Variants in UBE2E2 observed in about 807,000 individuals in gnomAD.
UBE2E2 encodes the protein ubiquitin conjugating enzyme E2 E2.
A neutral mutation model predicts 24.7 loss-of-function variants in UBE2E2; 6 were observed. The ratio of observed to expected loss-of-function variants is 0.24; its 90% CI spans 0.13 to 0.48. The LOEUF is 0.48. UBE2E2 is among the 20% of genes least tolerant of loss of function. The pLI, the probability that UBE2E2 is intolerant of heterozygous loss-of-function variation, is 0.99. For synonymous variants in UBE2E2, 104 were observed against 83.6 expected (o/e 1.24, Z -1.33); for missense variants, 169 against 245.0 (o/e 0.69, Z 2.07).
intron 3 of UBE2E2, among the ~76,000 whole-genome samples, chr3:23,310,209 T>C (rs1694336118): frequency 6.6e-6 from 1 of 152,160 alleles, no homozygotes. Flanking sequence ...TTGGTAAGTT[T>C]ATTATTGTCT....
chr3:23,301,352 G>C (rs1045706957), intron 3 of UBE2E2, among the ~76,000 whole-genome samples: 4 of 152,176 alleles, frequency 2.6e-5, no homozygotes, highest in African/African-American at 9.7e-5. Flanking sequence ...TGGAGGAGGA[G>C]AGGCACTCTG....
At chr3:23,536,019 T>C (rs142960874) in intron 5 of UBE2E2, among the ~76,000 whole-genome samples, 45 of 152,326 alleles carry the variant, frequency 3.0e-4, no homozygotes, top group African/African-American at 9.9e-4. Flanking sequence ...GAGAATACCA[T>C]TGGGGAATCA....
At chr3:23,505,727 T>G (rs1225941606) in intron 4 of UBE2E2, among the ~76,000 whole-genome samples, 3 of 152,214 alleles carry the variant, frequency 2.0e-5, no homozygotes, top group African/African-American at 4.8e-5. Flanking sequence ...TTTATGGGTT[T>G]GTTTGTTGTT....
chr3:23,543,203 T>A (rs1473604540), intron 5 of UBE2E2, among the ~76,000 whole-genome samples: 1 of 152,150 alleles, frequency 6.6e-6, no homozygotes, highest in Non-Finnish European at 1.5e-5. Flanking sequence ...CCAGAAGTCC[T>A]AGCCAGAACA....
intron 3 of UBE2E2, among the ~76,000 whole-genome samples, chr3:23,258,443 C>T (rs1243667055): frequency 6.6e-6 from 1 of 152,122 alleles, no homozygotes; most frequent in East Asian, 1.9e-4. Flanking sequence ...TGAAAAAAGT[C>T]ACCTAACCTA....
chr3:23,396,520 C>A (rs1287979728), intron 3 of UBE2E2, among the ~76,000 whole-genome samples: 1 of 151,732 alleles, frequency 6.6e-6, no homozygotes, highest in African/African-American at 2.4e-5. Context: ...CTTTACTAAA[C>A]CCCCTGAGGT....
intron 5 of UBE2E2, among the ~76,000 whole-genome samples, chr3:23,571,726 A>C (rs914735225): frequency 2.6e-5 from 4 of 152,124 alleles, no homozygotes; most frequent in Non-Finnish European, 5.9e-5. Flanking sequence ...ATCTGATTTA[A>C]ATTTCCAGAC....
intron 3 of UBE2E2, among the ~76,000 whole-genome samples, chr3:23,376,183 GC>G: frequency 6.6e-6 from 1 of 152,078 alleles, no homozygotes. Flanking sequence ...TTTCAGGTGG[GC>G]CACTATCTAA....
At chr3:23,451,109 A>G (rs1007845974) in intron 3 of UBE2E2, among the ~76,000 whole-genome samples, 6 of 152,196 alleles carry the variant, frequency 3.9e-5, no homozygotes, top group Non-Finnish European at 8.8e-5. Flanking sequence ...AACTTTTTAA[A>G]TGTTTATTAA....
intron 3 of UBE2E2, among the ~76,000 whole-genome samples, chr3:23,470,411 T>C (rs188554798): frequency 1.3e-5 from 2 of 152,214 alleles, no homozygotes; most frequent in African/African-American, 4.8e-5. Context: ...ACCTACCAGG[T>C]AGGAATCTAA....
chr3:23,311,626 G>A (rs1044949456), intron 3 of UBE2E2, among the ~76,000 whole-genome samples: 1 of 152,076 alleles, frequency 6.6e-6, no homozygotes, highest in African/African-American at 2.4e-5. Flanking sequence ...GAAAAAAAAT[G>A]GATTGAACTA....
chr3:23,545,867 G>T (rs1459477182), intron 5 of UBE2E2, among the ~76,000 whole-genome samples: 1 of 152,158 alleles, frequency 6.6e-6, no homozygotes, highest in Admixed American at 6.6e-5. Flanking sequence ...CGGCAACTTG[G>T]ATAGAGCTGG....
intron 5 of UBE2E2, among the ~76,000 whole-genome samples, chr3:23,543,406 T>C (rs2125493624): frequency 6.6e-6 from 1 of 152,234 alleles, no homozygotes; most frequent in South Asian, 2.1e-4. Context: ...AGCATTGCTG[T>C]ATATCAGCAA....
At chr3:23,542,165 G>A (rs1695408668) in intron 5 of UBE2E2, among the ~76,000 whole-genome samples, 1 of 152,154 alleles carries the variant, frequency 6.6e-6, no homozygotes, top group Non-Finnish European at 1.5e-5. Context: ...GGTCATCGTA[G>A]GAGGGTACAT....
chr3:23,237,560 G>A (rs961994429), intron 3 of UBE2E2, among the ~76,000 whole-genome samples: 1 of 151,866 alleles, frequency 6.6e-6, no homozygotes, highest in African/African-American at 2.4e-5. Context: ...GAGATCACAT[G>A]GACTCTTTTA....
At chr3:23,444,528 C>A (rs1481180911) in intron 3 of UBE2E2, among the ~76,000 whole-genome samples, 6 of 152,168 alleles carry the variant, frequency 3.9e-5, no homozygotes, top group Non-Finnish European at 1.5e-5. Context: ...ACAAGTTTCA[C>A]AAAGTCAACC....
At chr3:23,409,956 G>A (rs948740436) in intron 3 of UBE2E2, among the ~76,000 whole-genome samples, 1 of 152,118 alleles carries the variant, frequency 6.6e-6, no homozygotes, top group Non-Finnish European at 1.5e-5. Flanking sequence ...CCAGTTACTG[G>A]ATGTAGAGCC....
intron 5 of UBE2E2, among the ~76,000 whole-genome samples, chr3:23,536,326 C>G (rs1212391382): frequency 6.6e-6 from 1 of 152,140 alleles, no homozygotes; most frequent in African/African-American, 2.4e-5. Context: ...TTTCCTTTAC[C>G]TGATGCTTAG....
At chr3:23,487,662 A>C (rs774852898) in intron 3 of UBE2E2, among the ~76,000 whole-genome samples, 1 of 152,218 alleles carries the variant, frequency 6.6e-6, no homozygotes, top group Non-Finnish European at 1.5e-5. Context: ...GAGATGGACA[A>C]CTGTAACATT....
Sources: allele counts gnomAD v4.1 joint callset (sites outside exome capture counted in the v4.1 genomes callset), GRCh38; gene constraint gnomAD v4.1.1; transcripts MANE v1.5; gene names NCBI Gene and HGNC (gene_info 2026-07-23, HGNC 2026-07-21).